CAMK4: variants seen among roughly 807,000 people sequenced by gnomAD.
CAMK4 encodes the protein calcium/calmodulin-dependent protein kinase type IV.
CAMK4 carries 22 observed loss-of-function variants against 44.9 expected under a neutral mutation model. That is an observed-to-expected ratio of 0.49 (90% confidence interval 0.35 to 0.70). CAMK4 has a LOEUF of 0.70. Ranked by LOEUF, CAMK4 falls within the 30% of genes least tolerant of loss-of-function variation. The probability of loss-of-function intolerance (pLI) is 0.01; values close to 1 mark genes in which losing one functional copy is unlikely to be tolerated. For missense variants in CAMK4, 498 were observed against 586.8 expected, an observed-to-expected ratio of 0.85 and a Z score of 1.56; for synonymous variants, 218 against 215.4, an observed-to-expected ratio of 1.01 and a Z score of -0.11.
chr5:111,478,378 T>C lies in CAMK4; in HGVS notation c.702-3T>C. ...TTTTATTCTCTATATTTTATTCCTC[T>C]AGACTTTGTGGATTTGAACCATTCT... On this transcript the variant is annotated splice_polypyrimidine_tract_variant and splice_region_variant and intron_variant, in intron 8 of 10. Coordinates refer to ENST00000282356, the MANE Select transcript of CAMK4 (RefSeq NM_001744.6). 6.4e-7 allele frequency: 1 copy of C among 1,550,766 alleles called. No individual in the cohort carries two copies. The highest frequency in any genetic ancestry group is 1.7e-4 in the Middle Eastern group (1 of 5,852).
intron 5 of CAMK4, among the ~76,000 whole-genome samples, chr5:111,420,024 T>A (rs911323013): frequency 6.6e-6 from 1 of 152,040 alleles, no homozygotes; most frequent in African/African-American, 2.4e-5. Context: ...ATCTATAAAT[T>A]ACCTTGGGCA....
At chr5:111,434,932 C>T (rs1753593353) in intron 5 of CAMK4, among the ~76,000 whole-genome samples, 1 of 152,210 alleles carries the variant, frequency 6.6e-6, no homozygotes, top group African/African-American at 2.4e-5. Context: ...CTCCTACCAA[C>T]TCCTGAGACA....
intron 2 of CAMK4, among the ~76,000 whole-genome samples, chr5:111,371,275 A>G (rs1377046281): frequency 1.3e-5 from 2 of 152,160 alleles, no homozygotes; most frequent in Admixed American, 6.5e-5. Flanking sequence ...TCCATTTTGT[A>G]TTAGCAACAG....
At chr5:111,375,705 A>G (rs958474555) in intron 3 of CAMK4, among the ~76,000 whole-genome samples, 1 of 152,184 alleles carries the variant, frequency 6.6e-6, no homozygotes, top group Admixed American at 6.6e-5. Flanking sequence ...GTTGCAAGCA[A>G]CAAAAATCAG....
Position 111,397,649 on chromosome 5 carries a change from CTG to C in CAMK4, c.459+2909_459+2910del, listed in dbSNP as rs3066726. The stretch of plus-strand genomic sequence containing the variant: ...CAGGTAATATCCTCAAGTCAGCATG[CTG>C]TGTGTGTGTGTGTGTGTGTGTGTGT... On this transcript the variant is annotated intron_variant, in intron 5 of 10. Coordinates refer to ENST00000282356, the MANE Select transcript of CAMK4 (RefSeq NM_001744.6). Among the ~76,000 whole-genome samples, 480 of 88,528 alleles carry C rather than the reference CTG, an allele frequency of 5.4e-3. 2 individuals carry two copies. The highest frequency in any genetic ancestry group is 0.014 in the African/African-American group (334 of 23,444). 58.1% of individuals were successfully genotyped at this position (88,528 alleles called of 152,430 possible).
At chr5:111,246,117 C>T (rs539932749) in intron 1 of CAMK4, among the ~76,000 whole-genome samples, 2 of 152,186 alleles carry the variant, frequency 1.3e-5, no homozygotes, top group South Asian at 4.1e-4. Flanking sequence ...AGCAAGTCAC[C>T]ACAGCTTTCA....
At chr5:111,434,450 G>A (rs369798526) in intron 5 of CAMK4, among the ~76,000 whole-genome samples, 1 of 152,210 alleles carries the variant, frequency 6.6e-6, no homozygotes, top group South Asian at 2.1e-4. Context: ...CATTAAGGAT[G>A]ACTCCAAAAC....
At chr5:111,335,142 A>G (rs970282687) in intron 1 of CAMK4, among the ~76,000 whole-genome samples, 2 of 151,654 alleles carry the variant, frequency 1.3e-5, no homozygotes, top group Admixed American at 1.3e-4. Flanking sequence ...CAAGGAGTAC[A>G]TTGTAGACTT....
intron 1 of CAMK4, among the ~76,000 whole-genome samples, chr5:111,309,204 A>G (rs535169127): frequency 1.2e-4 from 18 of 152,302 alleles, no homozygotes; most frequent in Non-Finnish European, 2.6e-4. Flanking sequence ...ACTTGAGACT[A>G]TTCATTGTCA....
chr5:111,377,152 A>G lies in CAMK4; in HGVS notation c.386+210A>G, dbSNP rs1751242780. On this transcript the variant is annotated intron_variant, in intron 4 of 10. Coordinates refer to ENST00000282356, the MANE Select transcript of CAMK4 (RefSeq NM_001744.6). ...AAACTTGAGATATTTAGTGAGTAAA[A>G]AGAGGAACACTATAATATCTATTTA... 2.6e-5 allele frequency among the ~76,000 whole-genome samples: 4 copies of G among 152,128 alleles called. No individual in the cohort carries two copies. The South Asian group carries it at 8.3e-4, about 32-fold the overall frequency.
chr5:111,244,677 A>T (rs1346673893), intron 1 of CAMK4, among the ~76,000 whole-genome samples: 1 of 152,162 alleles, frequency 6.6e-6, no homozygotes, highest in Non-Finnish European at 1.5e-5. Context: ...CTTGGCCAAC[A>T]TGGCGAAACC....
intron 4 of CAMK4, among the ~76,000 whole-genome samples, chr5:111,391,917 A>G (rs529516244): frequency 1.3e-5 from 2 of 152,198 alleles, no homozygotes; most frequent in South Asian, 2.1e-4. Context: ...TTTGAAAATC[A>G]CATCATGTGT....
At chr5:111,461,622 G>A (rs987945173) in intron 7 of CAMK4, among the ~76,000 whole-genome samples, 1 of 151,916 alleles carries the variant, frequency 6.6e-6, no homozygotes, top group African/African-American at 2.4e-5. Flanking sequence ...CTAGGAAAAG[G>A]ATAGAGGCAG....
intron 5 of CAMK4, among the ~76,000 whole-genome samples, chr5:111,443,998 C>G (rs771903099): frequency 1.3e-5 from 2 of 152,204 alleles, no homozygotes; most frequent in African/African-American, 2.4e-5. Flanking sequence ...CGTGGTCGAG[C>G]ATGCTCCTCT....
intron 5 of CAMK4, among the ~76,000 whole-genome samples, chr5:111,438,321 C>G (rs1450001887): frequency 6.6e-6 from 1 of 152,084 alleles, no homozygotes; most frequent in Non-Finnish European, 1.5e-5. Context: ...ATGGAATGAC[C>G]TTTAATTCTC....
At chr5:111,277,131 C>A (rs1002621229) in intron 1 of CAMK4, among the ~76,000 whole-genome samples, 2 of 152,180 alleles carry the variant, frequency 1.3e-5, no homozygotes, top group Non-Finnish European at 2.9e-5. Flanking sequence ...AAGATGTTAA[C>A]ACATGGATGA....
chr5:111,297,420 G>A (rs1037067046), intron 1 of CAMK4, among the ~76,000 whole-genome samples: 1 of 152,110 alleles, frequency 6.6e-6, no homozygotes, highest in African/African-American at 2.4e-5. Context: ...ATTTAAGAGA[G>A]ATTTTAATTC....
chr5:111,287,666 G>A (rs1751295108), intron 1 of CAMK4, among the ~76,000 whole-genome samples: 2 of 152,126 alleles, frequency 1.3e-5, no homozygotes, highest in Admixed American at 6.5e-5. Flanking sequence ...GGAATGATTG[G>A]ATGCTTATGT....
At chr5:111,415,185 G>C (rs1219641840) in intron 5 of CAMK4, among the ~76,000 whole-genome samples, 1 of 152,288 alleles carries the variant, frequency 6.6e-6, no homozygotes, top group East Asian at 1.9e-4. Flanking sequence ...TTTAAGTTGT[G>C]ATCTGTCCTG....
Sources: allele counts gnomAD v4.1 joint callset (sites outside exome capture counted in the v4.1 genomes callset), GRCh38; gene constraint gnomAD v4.1.1; transcripts MANE v1.5; gene names NCBI Gene and HGNC (gene_info 2026-07-23, HGNC 2026-07-21).